SNX13: variants seen among roughly 807,000 people sequenced by gnomAD.
SNX13 encodes the protein sorting nexin 13, also known as sorting nexin-13.
A neutral mutation model predicts 133.6 loss-of-function variants in SNX13; 45 were observed. The observed-to-expected ratio is 0.34, with a 90% CI of 0.27 to 0.43. The LOEUF is 0.43. Ranked by LOEUF, SNX13 falls within the 20% of genes least tolerant of loss-of-function variation. The probability of loss-of-function intolerance (pLI) is 1.00; values close to 1 mark genes in which losing one functional copy is unlikely to be tolerated. For synonymous variants in SNX13, 414 were observed against 373.9 expected (o/e 1.11, Z -1.24); for missense variants, 1,032 against 1,145.1 (o/e 0.90, Z 1.43).
intron 20 of SNX13, among the ~76,000 whole-genome samples, chr7:17,805,265 G>GCGCGCGCGCGCGCGCGCGCACGCA (rs771908159): frequency 1.4e-5 from 2 of 146,004 alleles, no homozygotes; most frequent in Non-Finnish European, 3.1e-5. Flanking sequence ...GCGCGCGCGC[G>GCGCGCGCGCGCGCGCGCGCACGCA]CATGCATGCA....
intron 1 of SNX13, among the ~76,000 whole-genome samples, chr7:17,925,040 T>C (rs1337477378): frequency 1.3e-5 from 2 of 152,024 alleles, no homozygotes; most frequent in Non-Finnish European, 2.9e-5. Flanking sequence ...GAAACCCCAT[T>C]TCTACTAAAA....
intron 12 of SNX13, among the ~76,000 whole-genome samples, chr7:17,842,873 G>GTTATAAATTTCAAATTTACA (rs1383681122): frequency 6.6e-6 from 1 of 151,946 alleles, no homozygotes; most frequent in African/African-American, 2.4e-5. Flanking sequence ...TCAAATTACA[G>GTTATAAATTTCAAATTTACA]TGTTATAAAT....
At chr7:17,859,552 A>G (rs1022255167) in intron 9 of SNX13, among the ~76,000 whole-genome samples, 2 of 152,116 alleles carry the variant, frequency 1.3e-5, no homozygotes, top group Non-Finnish European at 1.5e-5. Flanking sequence ...AGAAAACATA[A>G]AATTTATCAC....
chr7:17,868,332 C>T (rs1471640516), intron 9 of SNX13, 75 bp downstream of exon 9: 1 of 1,013,058 alleles, frequency 9.9e-7, no homozygotes, highest in Non-Finnish European at 1.5e-6. Context: ...TGCTTAAACA[C>T]CCTATCTCCC....
intron 24 of SNX13, among the ~76,000 whole-genome samples, chr7:17,797,190 A>G (rs1267349063): frequency 1.3e-5 from 2 of 151,922 alleles, no homozygotes; most frequent in East Asian, 3.9e-4. Context: ...CATAAACACT[A>G]ATGAAGACAG....
chr7:17,871,885 A>C (rs1467166186), intron 8 of SNX13, among the ~76,000 whole-genome samples: 1 of 152,192 alleles, frequency 6.6e-6, no homozygotes, highest in Non-Finnish European at 1.5e-5. Context: ...GCCACACTAC[A>C]TGCGAACCTA....
intron 1 of SNX13, among the ~76,000 whole-genome samples, chr7:17,933,224 T>C (rs943388052): frequency 2.6e-5 from 4 of 152,192 alleles, no homozygotes; most frequent in Admixed American, 2.6e-4. Flanking sequence ...AAATAAATCA[T>C]CTTTTTCAAA....
intron 9 of SNX13, among the ~76,000 whole-genome samples, chr7:17,854,370 C>G (rs555010142): frequency 1.3e-5 from 2 of 152,252 alleles, no homozygotes; most frequent in South Asian, 4.1e-4. Context: ...GTTATAGGAA[C>G]AAGGAATAGC....
At chr7:17,823,680 T>C (rs1198476663) in intron 17 of SNX13, among the ~76,000 whole-genome samples, 1 of 152,212 alleles carries the variant, frequency 6.6e-6, no homozygotes, top group African/African-American at 2.4e-5. Flanking sequence ...TGTCCAGTTA[T>C]CTTTCTCTCA....
intron 15 of SNX13, among the ~76,000 whole-genome samples, chr7:17,832,697 G>T (rs1562723005): frequency 6.6e-6 from 1 of 151,314 alleles, no homozygotes. Flanking sequence ...GAAGAACTCT[G>T]TTTTTTTAAA....
chr7:17,810,130 T>C (rs562453583), intron 20 of SNX13, among the ~76,000 whole-genome samples: 81 of 151,714 alleles, frequency 5.3e-4, no homozygotes, highest in African/African-American at 1.9e-3. Flanking sequence ...AGAGCAGAAC[T>C]GAAGGAGATA....
At chr7:17,831,117 C>G in intron 15 of SNX13, 1 of 984,298 alleles carries the variant, frequency 1.0e-6, no homozygotes, top group Non-Finnish European at 1.2e-6. Context: ...CCACCAAAGA[C>G]AAGTCAAGTT....
chr7:17,921,883 G>A (rs1800164082), intron 1 of SNX13, among the ~76,000 whole-genome samples: 1 of 152,196 alleles, frequency 6.6e-6, no homozygotes, highest in African/African-American at 2.4e-5. Context: ...TCTCTATCAG[G>A]AATGCTGAAT....
chr7:17,807,313 G>C (rs1785422488), intron 20 of SNX13, among the ~76,000 whole-genome samples: 1 of 152,176 alleles, frequency 6.6e-6, no homozygotes, highest in African/African-American at 2.4e-5. Context: ...CCCCCACTAA[G>C]GCTTGAGGAG....
chr7:17,832,575 A>G, intron 15 of SNX13: 1 of 733,268 alleles, frequency 1.4e-6, no homozygotes, highest in Non-Finnish European at 1.7e-6. Flanking sequence ...TAGTTGACAG[A>G]GCTGCTATTG....
chr7:17,912,538 G>A (rs1424470136), intron 1 of SNX13, among the ~76,000 whole-genome samples: 1 of 151,954 alleles, frequency 6.6e-6, no homozygotes, highest in East Asian at 1.9e-4. Context: ...AGCCTCCTGA[G>A]TAGCTGGGAT....
chr7:17,850,760 A>T, intron 10 of SNX13, 66 bp downstream of exon 10: 2 of 1,264,912 alleles, frequency 1.6e-6, no homozygotes, highest in Non-Finnish European at 2.1e-6. Flanking sequence ...TAGGTAAATT[A>T]ATCAAAGTTT....
chr7:17,803,699 A>G (rs924633482), intron 20 of SNX13, 119 bp from the exon 21 acceptor site: 19 of 855,544 alleles, frequency 2.2e-5, no homozygotes, highest in East Asian at 2.8e-5. Flanking sequence ...TCTGGTCTAT[A>G]TTATGTCGTT....
intron 1 of SNX13, among the ~76,000 whole-genome samples, chr7:17,898,596 T>C (rs1329637158): frequency 6.6e-6 from 1 of 152,162 alleles, no homozygotes; most frequent in Non-Finnish European, 1.5e-5. Context: ...TTCACATACC[T>C]TCATAAGTTT....
Sources: allele counts gnomAD v4.1 joint callset (sites outside exome capture counted in the v4.1 genomes callset), GRCh38; gene constraint gnomAD v4.1.1; transcripts MANE v1.5; gene names NCBI Gene and HGNC (gene_info 2026-07-23, HGNC 2026-07-21).